The following NRG3 variants were observed in gnomAD, a reference collection of about 807,000 sequenced individuals.
NRG3 encodes the protein pro-neuregulin-3, membrane-bound isoform.
NRG3 carries 31 observed loss-of-function variants against 66.9 expected under a neutral mutation model. The observed-to-expected ratio is 0.46, with a 90% CI of 0.35 to 0.63. NRG3 has a LOEUF of 0.63. Ranked by LOEUF, NRG3 falls within the 20% of genes least tolerant of loss-of-function variation. NRG3 has a pLI of 0.00. For missense variants in NRG3, 910 were observed against 878.9 expected (o/e 1.04, Z -0.45); for synonymous variants, 393 against 359.4 (o/e 1.09, Z -1.06).
At chr10:82,195,161 G>A (rs1363186328) in intron 1 of NRG3, among the ~76,000 whole-genome samples, 1 of 152,140 alleles carries the variant, frequency 6.6e-6, no homozygotes, top group Non-Finnish European at 1.5e-5. Flanking sequence ...GTCCATGGTG[G>A]TAGCCACTCA....
At chr10:81,920,277 G>A (rs1405090746) in intron 1 of NRG3, among the ~76,000 whole-genome samples, 3 of 152,118 alleles carry the variant, frequency 2.0e-5, no homozygotes, top group African/African-American at 7.2e-5. Flanking sequence ...TAAAGTCAAT[G>A]CTCCTCACCC....
At chr10:82,503,854 G>A (rs565488220) in intron 2 of NRG3, among the ~76,000 whole-genome samples, 33 of 152,276 alleles carry the variant, frequency 2.2e-4, no homozygotes, top group African/African-American at 7.7e-4. Flanking sequence ...GCTATGGAAT[G>A]TTGTTCAGTC....
At chr10:82,790,145 T>A (rs2135363606) in intron 3 of NRG3, among the ~76,000 whole-genome samples, 1 of 152,210 alleles carries the variant, frequency 6.6e-6, no homozygotes, top group East Asian at 1.9e-4. Context: ...ACAAACTGTA[T>A]TGTCTCTAAT....
At chr10:82,136,445 G>A (rs1478430711) in intron 1 of NRG3, among the ~76,000 whole-genome samples, 1 of 152,016 alleles carries the variant, frequency 6.6e-6, no homozygotes, top group Non-Finnish European at 1.5e-5. Context: ...CCCAGGGAGA[G>A]TCCAGAAATG....
chr10:81,929,572 C>T (rs1847140210), intron 1 of NRG3, among the ~76,000 whole-genome samples: 1 of 152,170 alleles, frequency 6.6e-6, no homozygotes, highest in African/African-American at 2.4e-5. Flanking sequence ...CCAGCTCCTT[C>T]ATCAGGCTTC....
intron 2 of NRG3, among the ~76,000 whole-genome samples, chr10:82,619,429 G>A (rs76629022): frequency 6.6e-6 from 1 of 152,040 alleles, no homozygotes; most frequent in Non-Finnish European, 1.5e-5. Flanking sequence ...ACTAGCCAAG[G>A]GATTGGTATT....
chr10:82,118,021 A>G (rs2067833906), intron 1 of NRG3, among the ~76,000 whole-genome samples: 1 of 152,134 alleles, frequency 6.6e-6, no homozygotes, highest in African/African-American at 2.4e-5. Context: ...GAGGGCCGGT[A>G]GCACCAACAC....
intron 1 of NRG3, among the ~76,000 whole-genome samples, chr10:81,914,216 T>G (rs1817217487): frequency 6.6e-6 from 1 of 152,188 alleles, no homozygotes; most frequent in African/African-American, 2.4e-5. Flanking sequence ...AAAAATAAAA[T>G]TAAAAATCAC....
chr10:81,950,895 G>A (rs1465568834), intron 1 of NRG3, among the ~76,000 whole-genome samples: 1 of 152,074 alleles, frequency 6.6e-6, no homozygotes, highest in South Asian at 2.1e-4. Context: ...ATTAGTCAAT[G>A]TAGCCATAAA....
intron 1 of NRG3, among the ~76,000 whole-genome samples, chr10:81,914,588 A>G (rs531345313): frequency 6.6e-6 from 1 of 151,782 alleles, no homozygotes; most frequent in South Asian, 2.1e-4. Context: ...AAACAAACAA[A>G]CAAACAAAAA....
chr10:82,895,395 G>A (rs1008851441), intron 4 of NRG3, among the ~76,000 whole-genome samples: 3 of 151,720 alleles, frequency 2.0e-5, no homozygotes, highest in African/African-American at 7.3e-5. Flanking sequence ...TCATAGAGAA[G>A]GCATAAACAT....
intron 1 of NRG3, among the ~76,000 whole-genome samples, chr10:81,905,563 C>G (rs1413229095): frequency 6.6e-6 from 1 of 152,166 alleles, no homozygotes; most frequent in Non-Finnish European, 1.5e-5. Flanking sequence ...GAAAAACACC[C>G]TTGGGCAATT....
At chr10:82,503,847 A>C (rs671821) in intron 2 of NRG3, among the ~76,000 whole-genome samples, 8,746 of 152,094 alleles carry the variant, frequency 0.058, 547 homozygotes, top group East Asian at 0.17. Flanking sequence ...CAGTCAAGCT[A>C]TGGAATGTTG....
At chr10:82,679,019 T>G (rs2053920416) in intron 2 of NRG3, among the ~76,000 whole-genome samples, 1 of 152,250 alleles carries the variant, frequency 6.6e-6, no homozygotes, top group South Asian at 2.1e-4. Flanking sequence ...ATTTCAATTT[T>G]TATGCTTTGT....
chr10:81,878,333 A>T (rs186166264), intron 1 of NRG3, among the ~76,000 whole-genome samples: 5 of 152,376 alleles, frequency 3.3e-5, no homozygotes, highest in African/African-American at 1.2e-4. Flanking sequence ...GGTATGTAAT[A>T]CAAGTATGCA....
intron 2 of NRG3, among the ~76,000 whole-genome samples, chr10:82,522,119 C>G (rs950339459): frequency 1.4e-4 from 21 of 146,742 alleles, no homozygotes; most frequent in African/African-American, 5.0e-4. Context: ...TCTCTGCTCA[C>G]TGCAACCTCC....
chr10:82,923,676 C>T (rs747260756), intron 4 of NRG3, among the ~76,000 whole-genome samples: 19 of 152,044 alleles, frequency 1.2e-4, no homozygotes, highest in Admixed American at 4.6e-4. Context: ...ATAACCAGAA[C>T]ATCAGGCAAT....
intron 2 of NRG3, among the ~76,000 whole-genome samples, chr10:82,711,905 CAT>C (rs961695211): frequency 1.6e-4 from 24 of 152,314 alleles, no homozygotes; most frequent in African/African-American, 5.8e-4. Flanking sequence ...CCTGCAGACA[CAT>C]AGACACACAC....
At chr10:82,661,405 C>T (rs958415568) in intron 2 of NRG3, among the ~76,000 whole-genome samples, 2 of 151,644 alleles carry the variant, frequency 1.3e-5, no homozygotes, top group African/African-American at 4.8e-5. Flanking sequence ...TATATTGTAA[C>T]AAGTATATAT....
Sources: allele counts gnomAD v4.1 joint callset (sites outside exome capture counted in the v4.1 genomes callset), GRCh38; gene constraint gnomAD v4.1.1; transcripts MANE v1.5; gene names NCBI Gene and HGNC (gene_info 2026-07-23, HGNC 2026-07-21).